Variants in SEC16A observed in about 807,000 individuals in gnomAD.
The protein encoded by SEC16A is protein transport protein Sec16A.
Under a neutral mutation model 221.9 loss-of-function variants are expected in SEC16A, and 110 were observed. The ratio of observed to expected loss-of-function variants is 0.50; its 90% confidence interval spans 0.42 to 0.58. SEC16A has a LOEUF of 0.58. Among genes scored for constraint, SEC16A ranks in the 20% least tolerant of loss-of-function variants. The pLI is 0.00. For missense variants in SEC16A, 3,165 were observed against 3,097.8 expected (o/e 1.02, Z -0.52); for synonymous variants, 1,393 against 1,257.7 (o/e 1.11, Z -2.28).
intron 5 of SEC16A, among the ~76,000 whole-genome samples, 192 bp downstream of exon 5, chr9:136,468,223 T>C (rs1840398773): frequency 6.6e-6 from 1 of 152,220 alleles, no homozygotes; most frequent in African/African-American, 2.4e-5. Flanking sequence ...ATGAAAAATA[T>C]CAATATAATT....
rs763746343 is a variant in SEC16A, at chr9:136,468,441, T to C, written c.3776A>G (p.Tyr1259Cys). 14 of 1,612,602 alleles carry C rather than the reference T, an allele frequency of 8.7e-6. No individual in the cohort carries two copies. The highest frequency in any genetic ancestry group is 6.7e-5 in the African/African-American group (5 of 74,920). ...TCCATAATCGTACTGGCTGGAGTAATAGCTTGCATAGTAATCGCTCTGACT... is the reference window on the plus strand; with the variant it reads ...TCCATAATCGTACTGGCTGGAGTAACAGCTTGCATAGTAATCGCTCTGACT... The part of the protein sequence containing the change: ...WSSQSDYYAS[Y>C]YSSQYDYGDP... The change falls in exon 5 of 32, where the codon TAT becomes TGT. Residue 1259 changes from tyrosine (Y) to cysteine (C), a missense_variant. This residue lies in a region of SEC16A where 2,030 missense variants were observed against 1,923.1 expected (regional missense o/e 1.06). Coordinates refer to ENST00000684901, the MANE Select transcript of SEC16A (RefSeq NM_014866.2).
Position 136,455,712 on chromosome 9 carries a change from C to T in SEC16A, c.5746G>A (p.Asp1916Asn). 1.9e-6 allele frequency: 3 copies of T among 1,594,416 alleles called. No homozygotes were observed. The highest frequency in any genetic ancestry group is 2.6e-6 in the Non-Finnish European group (3 of 1,171,098). ...GTPSSEMEQLDRPGLSQPGAL... is the reference protein window; with the variant it reads ...GTPSSEMEQLNRPGLSQPGAL... ...CCTGGCTGACTGAGTCCTGGCCTGT[C>T]CAACTGCTCCATCTCGGAACTCGGA... Residue 1916 changes from aspartate (D) to asparagine (N), a missense_variant, in exon 20 of 32, where the codon GAC becomes AAC. Physicochemically the swap from Asp to Asn is conservative, Grantham distance 23. Transcript: ENST00000684901.
intron 18 of SEC16A, among the ~76,000 whole-genome samples, chr9:136,457,226 GCCAA>G (rs952998969): frequency 1.2e-4 from 18 of 152,270 alleles, no homozygotes; most frequent in African/African-American, 4.3e-4. Context: ...GAAACTCGCT[GCCAA>G]GGCTCTGTGC....
chr9:136,482,871 G>A (rs1589041680), intron 1 of SEC16A, 67 bp downstream of exon 1: 1 of 632,936 alleles, frequency 1.6e-6, no homozygotes, highest in Non-Finnish European at 2.0e-6. Context: ...CCACGGCCTG[G>A]CTCCGCCGGC....
At chr9:136,469,645 A>G (rs375756293) in intron 4 of SEC16A, among the ~76,000 whole-genome samples, 1 of 152,238 alleles carries the variant, frequency 6.6e-6, no homozygotes, top group African/African-American at 2.4e-5. Flanking sequence ...CAGCCTGGCT[A>G]AAAGGGTGAG....
rs1564524743 is a variant in SEC16A at position 136,474,098 on chromosome 9, T to C, written c.3518A>G (p.Tyr1173Cys). 2 of 1,612,370 alleles carry C rather than the reference T, an allele frequency of 1.2e-6. 1 individual carries two copies. ...RPLYDAYQPQYSLPYPPEPGA... is the reference protein window; with the variant it reads ...RPLYDAYQPQCSLPYPPEPGA... ...AGGCTCCGGTGGGTACGGCAAAGAGTACTGAGGCTGGTAGGCATCGTACAA... is the reference window on the plus strand; with the variant it reads ...AGGCTCCGGTGGGTACGGCAAAGAGCACTGAGGCTGGTAGGCATCGTACAA... Residue 1173 changes from tyrosine (Y) to cysteine (C), a missense_variant, in exon 3 of 32, where the codon TAC (tyrosine) becomes TGC (cysteine). Physicochemically the swap from Tyr to Cys is radical, Grantham distance 194. Coordinates refer to ENST00000684901, the MANE Select transcript of SEC16A (RefSeq NM_014866.2).
At position 136,472,037 on chromosome 9, in the gene SEC16A, G is replaced by C; in HGVS notation, c.3642C>G (p.Arg1214=). 1.2e-6 allele frequency: 2 copies of C among 1,613,012 alleles called. No homozygotes were observed. The highest frequency in any genetic ancestry group is 1.7e-6 in the Non-Finnish European group (2 of 1,179,894). Residue 1214 remains arginine, a synonymous_variant, in exon 4 of 32, where the codon CGC becomes CGG. Coordinates refer to ENST00000684901, the MANE Select transcript of SEC16A (RefSeq NM_014866.2). The part of the protein sequence containing the change: ...GAASAYAQNY[R]YPEPERPSSR... ...AGCTGGGCCGCTCGGGCTCGGGATA[G>C]CGGTAGTTCTGGGCGTAAGCAGACG...
intron 17 of SEC16A, 44 bp from the exon 18 acceptor site, chr9:136,457,628 C>G (rs1275685579): frequency 6.3e-7 from 1 of 1,577,014 alleles, no homozygotes; most frequent in African/African-American, 1.3e-5. Flanking sequence ...CCCCCGCGTC[C>G]GAGCATCGCC....
At chr9:136,482,395 C>G (rs1842495509) in intron 1 of SEC16A, among the ~76,000 whole-genome samples, 1 of 152,236 alleles carries the variant, frequency 6.6e-6, no homozygotes, top group African/African-American at 2.4e-5. Context: ...TTAAATGGCT[C>G]TGATGTTTCT....
At chr9:136,464,388 C>A in intron 9 of SEC16A, 32 bp downstream of exon 9, 1 of 1,574,416 alleles carries the variant, frequency 6.4e-7, no homozygotes, top group Non-Finnish European at 8.7e-7. Flanking sequence ...GGCAGCAGAG[C>A]AGTGACGCCA....
Position 136,454,063 on chromosome 9 carries a change from A to T in SEC16A, c.6076+46T>A, listed in dbSNP as rs1396942147. ...TTCCACCAATCCCCACAAACACCAC[A>T]CCCCATGCTGCTTCTGCTCTCGAGA... On this transcript the variant is annotated intron_variant, in intron 21 of 31. Transcript: ENST00000684901. 2.0e-6 allele frequency: 3 copies of T among 1,481,802 alleles called. No homozygotes were observed. The African/African-American group carries it at 4.2e-5, about 21-fold the overall frequency. 91.8% of individuals were successfully genotyped at this position (1,481,802 alleles called of 1,614,324 possible).
At chr9:136,484,196 GC>G, upstream of SEC16A, 1 of 269,090 alleles carries the variant, frequency 3.7e-6, no homozygotes, top group Non-Finnish European at 5.9e-6. Context: ...CCGGCCGCCA[GC>G]CCCACAGGGG....
intron 4 of SEC16A, among the ~76,000 whole-genome samples, chr9:136,471,477 GA>G (rs1048075850): frequency 6.6e-6 from 1 of 150,974 alleles, no homozygotes; most frequent in Non-Finnish European, 1.5e-5. Flanking sequence ...TGCCTTAAAA[GA>G]AAAAAAAAGA....
At position 136,441,543 on chromosome 9, in the gene SEC16A, G is replaced by A; in HGVS notation, c.*212C>T. On this transcript the variant is annotated 3_prime_UTR_variant, in exon 32 of 32. Transcript: ENST00000684901. ...CAAACAATTCTGAGTCAAAGATTCAGTCTTTCCATCCAGAATCTGAAAGGA... is the reference window on the plus strand; with the variant it reads ...CAAACAATTCTGAGTCAAAGATTCAATCTTTCCATCCAGAATCTGAAAGGA... 1 of 576,200 alleles carries A rather than the reference G, an allele frequency of 1.7e-6. No homozygotes were observed. The allele number at this position is 576,200 out of a possible 1,614,324, so 35.7% of individuals were successfully genotyped here.
In SEC16A at chr9:136,465,166, G is replaced by GT. The variant is rs113576763; in HGVS notation, c.4304-605dup. On this transcript the variant is annotated intron_variant, in intron 8 of 31. Coordinates refer to ENST00000684901, the MANE Select transcript of SEC16A (RefSeq NM_014866.2). ...TTAACTGAAACAATACTTTAAGAAA[G>GT]TAAGGCCGGGCACAGTGACTCACAC... is the stretch of plus-strand genomic sequence containing the variant. Among the ~76,000 whole-genome samples the GT allele has an allele frequency of 9.2e-3, 1,399 of 151,916 alleles. 13 individuals are homozygous for GT. The highest frequency in any genetic ancestry group is 0.031 in the African/African-American group (1,304 of 41,400).
intron 30 of SEC16A, among the ~76,000 whole-genome samples, 160 bp downstream of exon 30, chr9:136,444,879 CAAAAAAAAAAAAA>C (rs757568383): frequency 4.6e-5 from 3 of 65,648 alleles, no homozygotes; most frequent in Non-Finnish European, 6.4e-5. Flanking sequence ...AACTCCGTCT[CAAAAAAAAAAAAA>C]AAAAAAAAAG....
chr9:136,463,334 T>A (rs1227550462), intron 11 of SEC16A, 129 bp downstream of exon 11: 12 of 1,325,784 alleles, frequency 9.1e-6, no homozygotes, highest in Non-Finnish European at 1.2e-5. Flanking sequence ...GTGTGCTTCC[T>A]AAGGGGGCCC....
Position 136,477,262 on chromosome 9 carries a change from T to C in SEC16A, c.354A>G (p.Arg118=). The stretch of plus-strand genomic sequence containing the variant: ...CACCAGAAAACGGACTGGCATGTGC[T>C]CTGGGCTGTGTCAGAGGTCCAGGCA... ...EPLPGPLTQP[R]AHASPFSGAL... is the part of the protein sequence containing the mutation. Residue 118 remains arginine, a synonymous_variant, in exon 3 of 32, where the codon AGA becomes AGG. Coordinates refer to ENST00000684901, the MANE Select transcript of SEC16A (RefSeq NM_014866.2). The C allele has an allele frequency of 1.2e-6, 2 of 1,613,942 alleles. No homozygotes were observed. Among genetic ancestry groups the C allele is most frequent in the Non-Finnish European group, 1.7e-6 (2 of 1,179,886 alleles).
At chr9:136,462,801 C>A in intron 12 of SEC16A, 86 bp downstream of exon 12, 1 of 1,485,066 alleles carries the variant, frequency 6.7e-7, no homozygotes, top group Non-Finnish European at 9.0e-7. Context: ...GAGGGGGCCA[C>A]GTCCCTCCCT....
Sources: gnomAD v4.1 joint callset for allele counts (sites outside exome capture counted in the v4.1 genomes callset) on GRCh38, gnomAD v4.1.1 for gene constraint, gnomAD v4.1.1 regional missense constraint, MANE v1.5 for transcripts, NCBI Gene and HGNC (gene_info 2026-07-23, HGNC 2026-07-21) for gene names.